Variants in PHACTR3 observed in about 807,000 individuals in gnomAD.
PHACTR3 encodes the protein protein phosphatase 1, regulatory subunit 123.
A neutral mutation model predicts 66.8 loss-of-function variants in PHACTR3; 16 were observed. That is an observed-to-expected ratio of 0.24 (90% CI 0.16 to 0.36). The LOEUF (loss-of-function observed/expected upper bound fraction) is 0.36. PHACTR3 is among the 10% of genes least tolerant of loss of function. PHACTR3 has a pLI of 1.00. For synonymous variants in PHACTR3, 323 were observed against 292.1 expected, an observed-to-expected ratio of 1.11 and a Z score of -1.08; for missense variants, 647 against 719.9, an observed-to-expected ratio of 0.90 and a Z score of 1.16.
chr20:59,602,344 T>C (rs1209103572), upstream of PHACTR3, among the ~76,000 whole-genome samples: 2 of 151,738 alleles, frequency 1.3e-5, no homozygotes, highest in African/African-American at 2.4e-5. Flanking sequence ...GGTGGGATGA[T>C]TGTTTGAGCC....
intron 1 of PHACTR3, among the ~76,000 whole-genome samples, chr20:59,669,106 C>A (rs2036103392): frequency 6.6e-6 from 1 of 152,048 alleles, no homozygotes; most frequent in African/African-American, 2.4e-5. Context: ...CTGCCATTTG[C>A]ATGCTGTGTG....
intron 1 of PHACTR3, among the ~76,000 whole-genome samples, chr20:59,587,721 T>C (rs1383622267): frequency 3.3e-5 from 5 of 152,034 alleles, no homozygotes; most frequent in African/African-American, 1.2e-4. Context: ...CCTATTTTCT[T>C]GCTGGCTGTC....
chr20:59,695,743 TTTTA>T (rs1466402261), intron 1 of PHACTR3, among the ~76,000 whole-genome samples: 1 of 151,846 alleles, frequency 6.6e-6, no homozygotes, highest in African/African-American at 2.4e-5. Context: ...TATTTTTTTT[TTTTA>T]TTTGAGATGG....
At chr20:59,732,759 A>G (rs1296223652) in intron 1 of PHACTR3, among the ~76,000 whole-genome samples, 2 of 152,100 alleles carry the variant, frequency 1.3e-5, no homozygotes, top group Admixed American at 6.5e-5. Context: ...CCATTTTTGT[A>G]TCATGGGATC....
intron 7 of PHACTR3, among the ~76,000 whole-genome samples, chr20:59,783,297 G>A (rs892047926): frequency 6.6e-6 from 1 of 152,208 alleles, no homozygotes; most frequent in African/African-American, 2.4e-5. Flanking sequence ...GTCTCAGGAC[G>A]ACCTGGTGGG....
chr20:59,730,242 G>A (rs959578891), intron 1 of PHACTR3, among the ~76,000 whole-genome samples: 8 of 152,118 alleles, frequency 5.3e-5, no homozygotes, highest in African/African-American at 1.9e-4. Flanking sequence ...AAAATAACAG[G>A]AAACCTAACA....
At chr20:59,607,472 C>T (rs1197677429) in intron 1 of PHACTR3, among the ~76,000 whole-genome samples, 2 of 152,212 alleles carry the variant, frequency 1.3e-5, no homozygotes, top group African/African-American at 4.8e-5. Flanking sequence ...CTGTCTCCTC[C>T]CATCTAAATT....
intron 1 of PHACTR3, among the ~76,000 whole-genome samples, chr20:59,599,236 A>G (rs529563156): frequency 6.6e-6 from 1 of 152,288 alleles, no homozygotes; most frequent in Admixed American, 6.5e-5. Context: ...TTATTCATCA[A>G]TGGATATGTA....
rs1568692704 is a variant in PHACTR3, at chr20:59,670,611, G to GGGT, written c.118+65481_118+65482insTGG. On this transcript the variant is annotated intron_variant, in intron 1 of 12. Coordinates refer to ENST00000371015, the MANE Select transcript of PHACTR3 (RefSeq NM_080672.5). Reference sequence around the variant, plus strand: ...GACAGGCATCTGCCGGGGGTGGGGGGGGGGGGCAGGCACTTTTACTGTTTC... The same window carrying GGGT: ...GACAGGCATCTGCCGGGGGTGGGGGGGGTGGGGGGCAGGCACTTTTACTGTTTC... Among the ~76,000 whole-genome samples the GGGT allele has an allele frequency of 2.5e-3, 340 of 136,744 alleles. 3 individuals carry two copies. Among genetic ancestry groups the GGGT allele is most frequent in the African/African-American group, 8.2e-3 (321 of 39,062 alleles). 89.7% of individuals were successfully genotyped at this position (136,744 alleles called of 152,430 possible).
At chr20:59,743,580 G>A (rs2039254649) in intron 2 of PHACTR3, among the ~76,000 whole-genome samples, 1 of 152,226 alleles carries the variant, frequency 6.6e-6, no homozygotes, top group Non-Finnish European at 1.5e-5. Flanking sequence ...CTTAGGGCTG[G>A]GTTGGGCCGA....
chr20:59,582,684 A>G (rs548110498), intron 1 of PHACTR3, among the ~76,000 whole-genome samples: 1 of 152,046 alleles, frequency 6.6e-6, no homozygotes, highest in Non-Finnish European at 1.5e-5. Context: ...AGTTTTTCTT[A>G]TGTGACTTGG....
intron 1 of PHACTR3, among the ~76,000 whole-genome samples, chr20:59,610,742 C>T (rs1327158325): frequency 6.6e-6 from 1 of 152,174 alleles, no homozygotes; most frequent in African/African-American, 2.4e-5. Flanking sequence ...GAGGGCAGGG[C>T]CTTGCCTGTG....
At chr20:59,817,763 T>C (rs1457709494) in intron 8 of PHACTR3, among the ~76,000 whole-genome samples, 3 of 152,252 alleles carry the variant, frequency 2.0e-5, no homozygotes, top group Non-Finnish European at 4.4e-5. Flanking sequence ...TTTGATTTTT[T>C]TGGTGAAATA....
chr20:59,749,523 G>C (rs1179388597), intron 3 of PHACTR3, among the ~76,000 whole-genome samples: 1 of 152,204 alleles, frequency 6.6e-6, no homozygotes, highest in Non-Finnish European at 1.5e-5. Context: ...TCACCCTGCT[G>C]CCGTGGGAGC....
intron 3 of PHACTR3, among the ~76,000 whole-genome samples, chr20:59,750,503 G>T (rs576927658): frequency 6.6e-6 from 1 of 152,166 alleles, no homozygotes; most frequent in Non-Finnish European, 1.5e-5. Flanking sequence ...ACAAGTCCCC[G>T]CGGTGGAAGG....
chr20:59,788,177 C>G (rs2040979750), intron 7 of PHACTR3, among the ~76,000 whole-genome samples: 1 of 152,206 alleles, frequency 6.6e-6, no homozygotes, highest in Non-Finnish European at 1.5e-5. Flanking sequence ...TAGCTTAGCT[C>G]CCACACATAA....
At chr20:59,618,784 G>A (rs2034126196) in intron 1 of PHACTR3, among the ~76,000 whole-genome samples, 1 of 152,290 alleles carries the variant, frequency 6.6e-6, no homozygotes, top group East Asian at 1.9e-4. Context: ...AGGGCCGAGA[G>A]CCTGAGAGGT....
chr20:59,742,070 C>T (rs2039180842), intron 1 of PHACTR3, among the ~76,000 whole-genome samples: 2 of 152,204 alleles, frequency 1.3e-5, no homozygotes, highest in South Asian at 2.1e-4. Flanking sequence ...CCCGGGGTTC[C>T]CCATTTCTTT....
intron 1 of PHACTR3, among the ~76,000 whole-genome samples, chr20:59,621,965 C>T (rs2034255839): frequency 6.6e-6 from 1 of 152,192 alleles, no homozygotes; most frequent in Non-Finnish European, 1.5e-5. Flanking sequence ...ACTTTGCCAT[C>T]TGTCTTTTAG....
Sources: allele counts gnomAD v4.1 joint callset (sites outside exome capture counted in the v4.1 genomes callset), GRCh38; gene constraint gnomAD v4.1.1; transcripts MANE v1.5; gene names NCBI Gene and HGNC (gene_info 2026-07-23, HGNC 2026-07-21).